The following GLT1D1 variants were observed in gnomAD, a reference collection of about 807,000 sequenced individuals.
GLT1D1 encodes glycosyltransferase 1 domain-containing protein 1.
A neutral mutation model predicts 28.7 loss-of-function variants in GLT1D1; 21 were observed. The ratio of observed to expected loss-of-function variants is 0.73; its 90% CI spans 0.52 to 1.05. The LOEUF is 1.05. Among genes scored for constraint, GLT1D1 ranks in the 50% least tolerant of loss-of-function variants. The pLI is 0.00. For synonymous variants in GLT1D1, 147 were observed against 124.8 expected (o/e 1.18, Z -1.19); for missense variants, 343 against 330.6 (o/e 1.04, Z -0.29).
chr12:128,944,832 T>C (rs946423040), intron 4 of GLT1D1: 9 of 254,210 alleles, frequency 3.5e-5, no homozygotes, highest in Non-Finnish European at 6.0e-5. Flanking sequence ...AGTTCTGGGG[T>C]ACATGTGCAC....
chr12:128,958,683 G>A (rs1877559883), intron 7 of GLT1D1, among the ~76,000 whole-genome samples: 1 of 140,008 alleles, frequency 7.1e-6, no homozygotes, highest in Admixed American at 7.4e-5. Context: ...TCGGGAGATG[G>A]AGGTTACAAT....
At chr12:128,948,444 C>T (rs1160084281) in intron 6 of GLT1D1, among the ~76,000 whole-genome samples, 1 of 152,172 alleles carries the variant, frequency 6.6e-6, no homozygotes, top group Non-Finnish European at 1.5e-5. Flanking sequence ...CCCAGGACCA[C>T]AAGCCTGATT....
chr12:128,976,266 G>A (rs1427079062), intron 7 of GLT1D1, among the ~76,000 whole-genome samples: 1 of 152,158 alleles, frequency 6.6e-6, no homozygotes, highest in Non-Finnish European at 1.5e-5. Context: ...CCCTGGGGGC[G>A]CTGTTGGACA....
chr12:128,883,204 G>A (rs930366015), intron 2 of GLT1D1, among the ~76,000 whole-genome samples: 25 of 151,154 alleles, frequency 1.7e-4, no homozygotes, highest in Admixed American at 1.6e-3. Flanking sequence ...GATTAGAGGC[G>A]TGAGCCACCA....
intron 4 of GLT1D1, among the ~76,000 whole-genome samples, chr12:128,919,328 A>G (rs890014694): frequency 2.6e-5 from 4 of 152,188 alleles, no homozygotes; most frequent in African/African-American, 9.7e-5. Flanking sequence ...ACCAACTATT[A>G]ACCTTGAAAT....
chr12:128,853,792 C>A, intron 1 of GLT1D1, 143 bp downstream of exon 1: 1 of 481,420 alleles, frequency 2.1e-6, no homozygotes, highest in Non-Finnish European at 2.8e-6. Flanking sequence ...AACGGATGGG[C>A]CGGTGCCGCC....
intron 2 of GLT1D1, among the ~76,000 whole-genome samples, chr12:128,876,692 T>C (rs1374494889): frequency 2.0e-4 from 31 of 152,238 alleles, no homozygotes; most frequent in Non-Finnish European, 4.4e-5. Context: ...TTATGAAAGA[T>C]GTTGTTCAAC....
At chr12:128,945,041 G>A in intron 4 of GLT1D1, 1 of 636,734 alleles carries the variant, frequency 1.6e-6, no homozygotes, top group Non-Finnish European at 2.8e-6. Flanking sequence ...GTGAGAACAT[G>A]TAACAGGCCA....
At chr12:128,943,288 A>T (rs1340694090) in intron 4 of GLT1D1, among the ~76,000 whole-genome samples, 2 of 151,658 alleles carry the variant, frequency 1.3e-5, no homozygotes, top group South Asian at 2.1e-4. Flanking sequence ...GGCATATCTC[A>T]TCTATTTACT....
chr12:128,974,269 A>T (rs1370104371), intron 7 of GLT1D1, among the ~76,000 whole-genome samples: 2 of 152,074 alleles, frequency 1.3e-5, no homozygotes, highest in Non-Finnish European at 2.9e-5. Flanking sequence ...GTCCTTGTTC[A>T]CACGGACATC....
At chr12:128,926,277 T>G in intron 4 of GLT1D1, 82 bp from the exon 7 acceptor site, 1 of 543,616 alleles carries the variant, frequency 1.8e-6, no homozygotes, top group Non-Finnish European at 3.2e-6. Context: ...GGCCTCCACT[T>G]CTGAATGCAT....
At chr12:128,966,361 A>T (rs149310436) in intron 7 of GLT1D1, among the ~76,000 whole-genome samples, 4 of 152,066 alleles carry the variant, frequency 2.6e-5, no homozygotes, top group African/African-American at 9.6e-5. Context: ...ACTGCCTACC[A>T]CTCTGCCTTT....
In GLT1D1 at chr12:128,892,031, A is replaced by T. The variant is rs78867739; in HGVS notation, c.323+3287A>T. Among the ~76,000 whole-genome samples, 770 of 152,230 alleles carry T rather than the reference A, an allele frequency of 5.1e-3. 5 individuals carry two copies. The highest frequency in any genetic ancestry group is 8.7e-3 in the Non-Finnish European group (593 of 67,996). On this transcript the variant is annotated intron_variant, in intron 3 of 7. Coordinates refer to ENST00000281703, the MANE Select transcript of GLT1D1 (RefSeq NM_144669.3). ...GGACAACTGGAAGCGAGGCAGGAAG[A>T]CTCAAAGCAGGGAGGGGTTTTCCAG...
chr12:128,908,365 C>CTTTA (rs1871126581), intron 4 of GLT1D1, among the ~76,000 whole-genome samples: 1 of 101,922 alleles, frequency 9.8e-6, no homozygotes, highest in Non-Finnish European at 2.2e-5. Flanking sequence ...TCTTTCTTTT[C>CTTTA]TTTCTTTCTT....
At chr12:128,859,972 C>G (rs920412285) in intron 1 of GLT1D1, among the ~76,000 whole-genome samples, 4 of 152,072 alleles carry the variant, frequency 2.6e-5, no homozygotes, top group African/African-American at 9.7e-5. Flanking sequence ...GAATTGATGT[C>G]GTATTGTCTG....
At chr12:128,971,553 CCTGT>C (rs1336897745) in intron 7 of GLT1D1, among the ~76,000 whole-genome samples, 1 of 124,122 alleles carries the variant, frequency 8.1e-6, no homozygotes. Flanking sequence ...TCTCTCTCTT[CCTGT>C]CTTTCTCCCT....
At chr12:128,856,117 T>A (rs1330466111) in intron 1 of GLT1D1, among the ~76,000 whole-genome samples, 2 of 152,116 alleles carry the variant, frequency 1.3e-5, no homozygotes, top group African/African-American at 4.8e-5. Context: ...TATTCACACC[T>A]CCCCTTTCCA....
At chr12:128,957,432 G>A (rs1877415235) in intron 6 of GLT1D1, 113 bp from the exon 11 acceptor site, 2 of 640,444 alleles carry the variant, frequency 3.1e-6, no homozygotes, top group South Asian at 3.6e-5. Context: ...TTTTTTGTGA[G>A]GTGCCAGAGG....
intron 4 of GLT1D1, among the ~76,000 whole-genome samples, chr12:128,910,409 C>T (rs1451785323): frequency 6.6e-6 from 1 of 151,406 alleles, no homozygotes. Flanking sequence ...TTATATTTAT[C>T]TAGGATTATG....
Sources: allele counts gnomAD v4.1 joint callset (sites outside exome capture counted in the v4.1 genomes callset), GRCh38; gene constraint gnomAD v4.1.1; transcripts MANE v1.5; gene names NCBI Gene and HGNC (gene_info 2026-07-23, HGNC 2026-07-21).